The following ARHGEF11 variants were observed in gnomAD, a reference collection of about 807,000 sequenced individuals.
ARHGEF11 encodes the protein Rho guanine exchange factor (GEF) 11.
In ARHGEF11, 55 loss-of-function variants were observed where a neutral mutation model predicts 193.7. The ratio of observed to expected loss-of-function variants is 0.28; its 90% CI spans 0.23 to 0.36. The LOEUF (loss-of-function observed/expected upper bound fraction) is 0.36. ARHGEF11 is among the 10% of genes least tolerant of loss of function. The probability of loss-of-function intolerance (pLI) is 1.00; values close to 1 mark genes in which losing one functional copy is unlikely to be tolerated. For missense variants in ARHGEF11, 1,723 were observed against 2,005.6 expected, an observed-to-expected ratio of 0.86 and a Z score of 2.69; for synonymous variants, 693 against 768.0, an observed-to-expected ratio of 0.90 and a Z score of 1.62.
intron 1 of ARHGEF11, among the ~76,000 whole-genome samples, chr1:157,023,875 T>C (rs1180383646): frequency 6.6e-6 from 1 of 152,120 alleles, no homozygotes; most frequent in African/African-American, 2.4e-5. Context: ...TTGGAAAAGT[T>C]TGGTAGTTCC....
At chr1:157,011,190 G>A (rs1668496832) in intron 1 of ARHGEF11, among the ~76,000 whole-genome samples, 1 of 152,140 alleles carries the variant, frequency 6.6e-6, no homozygotes, top group Admixed American at 6.5e-5. Flanking sequence ...CTCACATTTA[G>A]GGTCAATTCA....
chr1:157,024,371 C>T (rs1001925382), intron 1 of ARHGEF11, among the ~76,000 whole-genome samples: 5 of 152,024 alleles, frequency 3.3e-5, no homozygotes, highest in South Asian at 2.1e-4. Context: ...AATGGGTGCA[C>T]GACCTTAGGT....
At chr1:157,036,742 T>C (rs925989266) in intron 1 of ARHGEF11, among the ~76,000 whole-genome samples, 1 of 152,214 alleles carries the variant, frequency 6.6e-6, no homozygotes, top group East Asian at 1.9e-4. Flanking sequence ...TAGGTATCAA[T>C]GGCAGACAAA....
chr1:157,043,335 A>C (rs1553238925), intron 1 of ARHGEF11, among the ~76,000 whole-genome samples: 1 of 151,974 alleles, frequency 6.6e-6, no homozygotes, highest in Non-Finnish European at 1.5e-5. Flanking sequence ...CACAAAACAC[A>C]CCCCCCACAG....
chr1:157,037,519 C>T (rs1316322649), intron 1 of ARHGEF11, among the ~76,000 whole-genome samples: 1 of 152,134 alleles, frequency 6.6e-6, no homozygotes, highest in Non-Finnish European at 1.5e-5. Flanking sequence ...TTGGTGCCAC[C>T]CCAGACAGAA....
At chr1:156,936,229 T>G (rs1655081231) in intron 40 of ARHGEF11, 171 bp from the exon 41 acceptor site, 1 of 794,222 alleles carries the variant, frequency 1.3e-6, no homozygotes, top group African/African-American at 1.7e-5. Context: ...GAACTCCACT[T>G]TCATCAGCGC....
intron 1 of ARHGEF11, among the ~76,000 whole-genome samples, chr1:156,999,130 T>C (rs1391328744): frequency 1.3e-5 from 2 of 152,222 alleles, no homozygotes; most frequent in Admixed American, 6.5e-5. Context: ...TCTGCCCTTA[T>C]CTTTTTATAT....
At chr1:156,955,557 G>A (rs908776840) in intron 20 of ARHGEF11, 146 bp downstream of exon 20, 1 of 692,408 alleles carries the variant, frequency 1.4e-6, no homozygotes. Context: ...CACTGGATTT[G>A]GCAAGGGGAG....
chr1:156,939,361 T>C, intron 37 of ARHGEF11, 187 bp downstream of exon 37: 1 of 751,902 alleles, frequency 1.3e-6, no homozygotes. Context: ...AGCTAAGCTC[T>C]GAATCTCGAA....
intron 29 of ARHGEF11, 79 bp from the exon 30 acceptor site, chr1:156,945,276 C>A: frequency 6.7e-7 from 1 of 1,489,512 alleles, no homozygotes; most frequent in South Asian, 1.3e-5. Flanking sequence ...TCTGCCTATT[C>A]ATCCATGGCA....
At chr1:157,013,259 TCACTCACACACA>T (rs1668768018) in intron 1 of ARHGEF11, among the ~76,000 whole-genome samples, 2 of 109,490 alleles carry the variant, frequency 1.8e-5, no homozygotes, top group Admixed American at 9.4e-5. Flanking sequence ...CTCCCCACTA[TCACTCACACACA>T]CACACACACA....
chr1:156,984,672 A>G (rs1371741844), intron 2 of ARHGEF11, among the ~76,000 whole-genome samples: 1 of 152,158 alleles, frequency 6.6e-6, no homozygotes, highest in African/African-American at 2.4e-5. Context: ...CCCTTCTCTG[A>G]GGTGCTAAAA....
chr1:157,006,426 GA>G (rs1458960101), intron 1 of ARHGEF11, among the ~76,000 whole-genome samples: 4 of 152,222 alleles, frequency 2.6e-5, no homozygotes, highest in African/African-American at 9.6e-5. Flanking sequence ...CTGATTTGAA[GA>G]CAGAGCGGGA....
Position 156,943,416 on chromosome 1 carries a change from A to G in ARHGEF11, c.3235+519T>C, listed in dbSNP as rs373845568. On this transcript the variant is annotated intron_variant, in intron 32 of 40. Coordinates refer to ENST00000368194, the MANE Select transcript of ARHGEF11 (RefSeq NM_198236.3). ...ATCCCTTTTGATGCCCACAAGAGGTAGGGTAGGTATCACTCCTATCTTACA... is the reference window on the plus strand; with the variant it reads ...ATCCCTTTTGATGCCCACAAGAGGTGGGGTAGGTATCACTCCTATCTTACA... 1.6e-4 allele frequency among the ~76,000 whole-genome samples: 24 copies of G among 152,336 alleles called. 1 individual carries two copies. In the East Asian group the frequency reaches 2.1e-3, roughly 13 times the overall value.
chr1:156,936,497 A>ATATGT lies in ARHGEF11; in HGVS notation c.4630+318_4630+319insACATA, dbSNP rs1553192805. Among the ~76,000 whole-genome samples, 10 of 33,938 alleles carry ATATGT rather than the reference A, an allele frequency of 2.9e-4. 1 individual carries two copies. The East Asian group carries it at 0.022, about 75-fold the overall frequency. 22.3% of individuals were successfully genotyped at this position (33,938 alleles called of 152,430 possible). A position where few individuals can be genotyped will look rare whatever the true frequency, so the allele number is the denominator to read the frequency against. On this transcript the variant is annotated intron_variant, in intron 40 of 40. Coordinates refer to ENST00000368194, the MANE Select transcript of ARHGEF11 (RefSeq NM_198236.3). ...AATAAATAGAAAAAAAAAAAAAAAA[A>ATATGT]ATATATATATATATATATATATATA...
intron 1 of ARHGEF11, among the ~76,000 whole-genome samples, chr1:156,994,134 T>A (rs1666147158): frequency 6.6e-6 from 1 of 152,178 alleles, no homozygotes; most frequent in Non-Finnish European, 1.5e-5. Context: ...AATGAACACA[T>A]ATTGATATCA....
chr1:156,957,995 C>T (rs916328489), intron 17 of ARHGEF11, among the ~76,000 whole-genome samples, 180 bp from the exon 18 acceptor site: 3 of 152,158 alleles, frequency 2.0e-5, no homozygotes, highest in Non-Finnish European at 2.9e-5. Flanking sequence ...AAATATTTGC[C>T]GAGTTGAAAT....
chr1:157,012,667 G>GT (rs1213111057), intron 1 of ARHGEF11, among the ~76,000 whole-genome samples: 1 of 152,118 alleles, frequency 6.6e-6, no homozygotes, highest in Admixed American at 6.5e-5. Context: ...TATATCCAAA[G>GT]TAAGTAGTTT....
At chr1:156,956,749 C>T (rs941369392) in intron 18 of ARHGEF11, among the ~76,000 whole-genome samples, 185 bp from the exon 19 acceptor site, 5 of 152,166 alleles carry the variant, frequency 3.3e-5, no homozygotes, top group African/African-American at 4.8e-5. Context: ...GGGCTGTGAC[C>T]TTCTCCACAC....
Sources: allele counts gnomAD v4.1 joint callset (sites outside exome capture counted in the v4.1 genomes callset), GRCh38; gene constraint gnomAD v4.1.1; transcripts MANE v1.5; gene names NCBI Gene and HGNC (gene_info 2026-07-23, HGNC 2026-07-21).